PCDH15: variants seen among roughly 807,000 people sequenced by gnomAD.
PCDH15 encodes protocadherin related 15.
Under a neutral mutation model 178.5 loss-of-function variants are expected in PCDH15, and 129 were observed. The ratio of observed to expected loss-of-function variants is 0.72; its 90% CI spans 0.63 to 0.84. The LOEUF is 0.84. Among genes scored for constraint, PCDH15 ranks in the 40% least tolerant of loss-of-function variants. PCDH15 has a pLI of 0.00. For missense variants in PCDH15, 2,230 were observed against 2,099.9 expected (o/e 1.06, Z -1.21); for synonymous variants, 800 against 732.0 (o/e 1.09, Z -1.50).
At chr10:54,261,768 G>T (rs2132303952) in intron 8 of PCDH15, among the ~76,000 whole-genome samples, 1 of 152,202 alleles carries the variant, frequency 6.6e-6, no homozygotes, top group South Asian at 2.1e-4. Flanking sequence ...AAAGTAAAAA[G>T]GAAAAATAGG....
intron 14 of PCDH15, among the ~76,000 whole-genome samples, chr10:54,150,533 T>G (rs990854748): frequency 3.3e-5 from 5 of 152,090 alleles, no homozygotes; most frequent in African/African-American, 1.2e-4. Flanking sequence ...TGTCTCTGAA[T>G]CCTACTTTTT....
Position 54,242,171 on chromosome 10 carries a change from T to C in PCDH15, c.877-5240A>G, listed in dbSNP as rs1564769818. Among the ~76,000 whole-genome samples, 37 of 97,826 alleles carry C rather than the reference T, an allele frequency of 3.8e-4. 3 individuals carry two copies. The highest frequency in any genetic ancestry group is 1.5e-3 in the African/African-American group (33 of 21,434). 64.2% of individuals were successfully genotyped at this position (97,826 alleles called of 152,430 possible). ...ATATATATATATATATATATATATATATATATATATATATATACACACACA... is the reference window on the plus strand; with the variant it reads ...ATATATATATATATATATATATATACATATATATATATATATACACACACA... On this transcript the variant is annotated intron_variant, in intron 8 of 37. Coordinates refer to ENST00000644397, the MANE Select transcript of PCDH15 (RefSeq NM_001384140.1).
intron 7 of PCDH15, among the ~76,000 whole-genome samples, chr10:54,326,203 C>A (rs1381439701): frequency 6.6e-6 from 1 of 152,108 alleles, no homozygotes; most frequent in Non-Finnish European, 1.5e-5. Context: ...CAAGTCTCAG[C>A]TGACTTTCCA....
rs187595835 is a variant in PCDH15, at chr10:55,209,164, T to G, written c.-155-42513A>C. ...AATTTACACAGGCAAAGAAAGACCT[T>G]GTAACATGATACATTCAAGGCACTG... On this transcript the variant is annotated intron_variant, in intron 1 of 5. Coordinates refer to the PCDH15 transcript ENST00000458638. Among the ~76,000 whole-genome samples, 18 of 152,168 alleles carry G rather than the reference T, an allele frequency of 1.2e-4. No individual in the cohort carries two copies. The East Asian group carries it at 3.5e-3, about 29-fold the overall frequency.
At chr10:55,467,668 T>G (rs1839860102) in intron 2 of PCDH15, among the ~76,000 whole-genome samples, 1 of 151,748 alleles carries the variant, frequency 6.6e-6, no homozygotes. Flanking sequence ...CAAGTTTGAC[T>G]AAGAATTAAA....
intron 2 of PCDH15, among the ~76,000 whole-genome samples, chr10:54,997,785 G>A (rs923632684): frequency 6.6e-6 from 1 of 152,040 alleles, no homozygotes; most frequent in Non-Finnish European, 1.5e-5. Context: ...AAGTAATCTA[G>A]ATAAACTGCT....
chr10:54,745,264 C>T (rs900795426), intron 1 of PCDH15, among the ~76,000 whole-genome samples: 3 of 151,868 alleles, frequency 2.0e-5, no homozygotes, highest in Admixed American at 6.6e-5. Context: ...TTATAAATTA[C>T]GTGTGATTGG....
intron 2 of PCDH15, among the ~76,000 whole-genome samples, chr10:55,104,511 T>C (rs1277313701): frequency 6.6e-6 from 1 of 152,196 alleles, no homozygotes; most frequent in African/African-American, 2.4e-5. Flanking sequence ...CTTACAGCAA[T>C]CCTGCATCCA....
At chr10:55,130,896 G>A (rs1303137138) in intron 2 of PCDH15, among the ~76,000 whole-genome samples, 3 of 151,846 alleles carry the variant, frequency 2.0e-5, no homozygotes, top group Non-Finnish European at 4.4e-5. Context: ...TATAAAAAAT[G>A]TTATCTTACT....
At chr10:54,641,195 C>T (rs11004425) in intron 2 of PCDH15, 2,220 of 162,374 alleles carry the variant, frequency 0.014, 30 homozygotes, top group East Asian at 0.068. Context: ...GTAAATAAAG[C>T]TTTTCTAAGA....
intron 2 of PCDH15, among the ~76,000 whole-genome samples, chr10:54,622,660 A>ATTTTCT (rs2093408481): frequency 1.1e-5 from 1 of 94,002 alleles, no homozygotes; most frequent in African/African-American, 4.7e-5. Flanking sequence ...TATACTATAT[A>ATTTTCT]ATATATATTA....
At chr10:55,331,788 GA>G (rs1348853682) in intron 2 of PCDH15, among the ~76,000 whole-genome samples, 2 of 152,084 alleles carry the variant, frequency 1.3e-5, no homozygotes, top group East Asian at 3.9e-4. Context: ...TTGAAAGTTT[GA>G]AAAAGCATTA....
chr10:54,444,019 G>A (rs2075997154), intron 3 of PCDH15, among the ~76,000 whole-genome samples: 2 of 151,652 alleles, frequency 1.3e-5, no homozygotes, highest in Middle Eastern at 3.4e-3. Flanking sequence ...TGAAATAATA[G>A]CATTGTGAGA....
intron 1 of PCDH15, among the ~76,000 whole-genome samples, chr10:54,676,777 A>G (rs2094798150): frequency 1.3e-5 from 2 of 152,206 alleles, no homozygotes; most frequent in Non-Finnish European, 2.9e-5. Flanking sequence ...TCTTATAAAA[A>G]CATCATTAAT....
intron 3 of PCDH15, among the ~76,000 whole-genome samples, chr10:54,520,234 G>C (rs2138158479): frequency 6.6e-6 from 1 of 152,276 alleles, no homozygotes; most frequent in Middle Eastern, 3.4e-3. Flanking sequence ...AAACTAAAGA[G>C]CTTCTGCAAA....
chr10:53,975,854 T>C (rs1395128505), intron 21 of PCDH15, among the ~76,000 whole-genome samples: 1 of 152,200 alleles, frequency 6.6e-6, no homozygotes, highest in East Asian at 1.9e-4. Flanking sequence ...AAGAGCAATG[T>C]CTAGAATGAT....
At chr10:55,253,452 T>G (rs1052418330) in intron 1 of PCDH15, among the ~76,000 whole-genome samples, 16 of 152,204 alleles carry the variant, frequency 1.1e-4, no homozygotes, top group African/African-American at 3.9e-4. Context: ...TCATTCAAGC[T>G]TATAATTTAA....
intron 1 of PCDH15, among the ~76,000 whole-genome samples, chr10:55,312,658 C>T (rs1843616961): frequency 6.6e-6 from 1 of 151,698 alleles, no homozygotes; most frequent in African/African-American, 2.4e-5. Context: ...ACTCTTGTTG[C>T]CCAGGCTGGA....
At chr10:54,344,916 A>T in intron 6 of PCDH15, among the ~76,000 whole-genome samples, 1 of 147,266 alleles carries the variant, frequency 6.8e-6, no homozygotes, top group Admixed American at 6.8e-5. Context: ...AAAAAAAAAA[A>T]AAAAAAAAAA....
Sources: allele counts gnomAD v4.1 joint callset (sites outside exome capture counted in the v4.1 genomes callset), GRCh38; gene constraint gnomAD v4.1.1; transcripts MANE v1.5; gene names NCBI Gene and HGNC (gene_info 2026-07-23, HGNC 2026-07-21).